Variants in IL18R1 observed in about 807,000 individuals in gnomAD.
IL18R1 encodes interleukin 18 receptor 1.
Under a neutral mutation model 48.5 loss-of-function variants are expected in IL18R1, and 40 were observed. That is an observed-to-expected ratio of 0.82 (90% CI 0.64 to 1.07). IL18R1 has a LOEUF of 1.07. Among genes scored for constraint, IL18R1 ranks in the 50% least tolerant of loss-of-function variants. The pLI is 0.00. For missense variants in IL18R1, 596 were observed against 633.7 expected, an observed-to-expected ratio of 0.94 and a Z score of 0.64; for synonymous variants, 232 against 225.9, an observed-to-expected ratio of 1.03 and a Z score of -0.24.
chr2:102,360,069 A>G (rs1246566093), intron 1 of IL18R1, among the ~76,000 whole-genome samples: 1 of 151,754 alleles, frequency 6.6e-6, no homozygotes, highest in Admixed American at 6.5e-5. Flanking sequence ...CCCATCCTGC[A>G]AAAAAACTGA....
In IL18R1 at chr2:102,384,964, C is replaced by T. The variant is rs1376210906; in HGVS notation, c.775C>T (p.Pro259Ser). 6.2e-7 allele frequency: 1 copy of T among 1,602,080 alleles called. No individual in the cohort carries two copies. Among genetic ancestry groups the T allele is most frequent in the East Asian group, 2.2e-5 (1 of 44,630 alleles). Residue 259 changes from proline to serine, a missense_variant, in exon 7 of 11, where the codon CCT (proline) becomes TCT (serine). Pro to Ser is a moderately conservative substitution (Grantham distance 74). Coordinates refer to ENST00000233957, the MANE Select transcript of IL18R1 (RefSeq NM_003855.5). Reference sequence around the variant, plus strand: ...GTTCGGGGAAGAAAATGGATCGGATCCTAATATACATGAAGAGAAAGAAAT... The same window carrying T: ...GTTCGGGGAAGAAAATGGATCGGATTCTAATATACATGAAGAGAAAGAAAT... ...WMFGEENGSD[P>S]NIHEEKEMRI...
intron 10 of IL18R1, 63 bp from the exon 11 acceptor site, chr2:102,396,467 AC>A (rs1233326910): frequency 5.4e-6 from 5 of 933,310 alleles, no homozygotes; most frequent in Non-Finnish European, 8.2e-6. Flanking sequence ...GTGCAAAATG[AC>A]TTTTATCTCA....
intron 5 of IL18R1, among the ~76,000 whole-genome samples, chr2:102,380,478 G>A (rs540304916): frequency 2.0e-5 from 3 of 152,296 alleles, no homozygotes; most frequent in African/African-American, 4.8e-5. Flanking sequence ...TGTCAGACCT[G>A]AGAGTTAGTT....
At chr2:102,382,943 C>G (rs7591246) in intron 6 of IL18R1, among the ~76,000 whole-genome samples, 1 of 151,868 alleles carries the variant, frequency 6.6e-6, no homozygotes, top group Non-Finnish European at 1.5e-5. Context: ...TAGTATATAC[C>G]TTCAAACTCC....
At chr2:102,368,175 TC>T (rs1679026861) in intron 3 of IL18R1, 107 bp downstream of exon 3, 8 of 1,166,498 alleles carry the variant, frequency 6.9e-6, no homozygotes, top group Non-Finnish European at 1.0e-5. Flanking sequence ...CACATCCTTT[TC>T]TTTCCTACTC....
intron 3 of IL18R1, among the ~76,000 whole-genome samples, chr2:102,369,702 A>T (rs1416295542): frequency 2.0e-5 from 3 of 152,166 alleles, no homozygotes; most frequent in Non-Finnish European, 4.4e-5. Context: ...TAGGTGTGTA[A>T]CCCTTTGCAG....
chr2:102,376,108 A>G lies in IL18R1; in HGVS notation c.625+45A>G. On this transcript the variant is annotated intron_variant, in intron 5 of 10. Coordinates refer to ENST00000233957, the MANE Select transcript of IL18R1 (RefSeq NM_003855.5). ...TGGGAAGAAACAGACGTATTTTAGT[A>G]AAATGGAATTTTTTCATTCTTCAAA... 3.4e-6 allele frequency: 5 copies of G among 1,480,926 alleles called. No homozygotes were observed. The South Asian group carries it at 5.4e-5, about 16-fold the overall frequency. 91.7% of individuals were successfully genotyped at this position (1,480,926 alleles called of 1,614,324 possible).
intron 1 of IL18R1, 54 bp from the exon 2 acceptor site, chr2:102,362,579 A>T: frequency 8.4e-7 from 1 of 1,192,840 alleles, no homozygotes; most frequent in Non-Finnish European, 1.2e-6. Flanking sequence ...TTCATAAGAT[A>T]GGCACACTTT....
chr2:102,365,529 C>T (rs1678839822), intron 2 of IL18R1, among the ~76,000 whole-genome samples: 1 of 152,142 alleles, frequency 6.6e-6, no homozygotes, highest in African/African-American at 2.4e-5. Context: ...TTTTCAAGTG[C>T]ATGGTGCAAG....
chr2:102,395,825 G>A (rs1431216617), intron 10 of IL18R1, among the ~76,000 whole-genome samples: 1 of 152,206 alleles, frequency 6.6e-6, no homozygotes, highest in East Asian at 1.9e-4. Context: ...CAGTTTACCA[G>A]CCACGGGTTC....
chr2:102,388,002 A>G (rs1680338738), intron 8 of IL18R1, among the ~76,000 whole-genome samples: 1 of 152,198 alleles, frequency 6.6e-6, no homozygotes, highest in African/African-American at 2.4e-5. Flanking sequence ...GCAAATACAG[A>G]GAGATGAGAG....
Position 102,396,598 on chromosome 2 carries a change from T to C in IL18R1, c.1338T>C (p.Ser446=). 6.2e-7 allele frequency: 1 copy of C among 1,613,438 alleles called. No individual in the cohort carries two copies. The highest frequency in any genetic ancestry group is 8.5e-7 in the Non-Finnish European group (1 of 1,179,692). ...SRRLIIVLSK[S]YMSNEVRYEL... ...GACTAATCATTGTCCTAAGTAAAAGTTATATGTCTAATGAGGTCAGGTATG... is the reference window on the plus strand; with the variant it reads ...GACTAATCATTGTCCTAAGTAAAAGCTATATGTCTAATGAGGTCAGGTATG... Residue 446 remains serine (S), a synonymous_variant, in exon 11 of 11, where the codon AGT becomes AGC. Coordinates refer to ENST00000233957, the MANE Select transcript of IL18R1 (RefSeq NM_003855.5).
chr2:102,389,535 G>C (rs557095521), intron 8 of IL18R1, among the ~76,000 whole-genome samples: 9 of 152,080 alleles, frequency 5.9e-5, no homozygotes, highest in Admixed American at 3.3e-4. Context: ...TTCCCCAAAG[G>C]AGCAGCCTTG....
At chr2:102,366,843 G>T (rs1264766332) in intron 2 of IL18R1, among the ~76,000 whole-genome samples, 4 of 152,150 alleles carry the variant, frequency 2.6e-5, no homozygotes, top group Non-Finnish European at 5.9e-5. Context: ...TGGGGACACA[G>T]CCAAACCATA....
chr2:102,364,546 T>C (rs1019357521), intron 2 of IL18R1, among the ~76,000 whole-genome samples: 2 of 152,236 alleles, frequency 1.3e-5, no homozygotes, highest in East Asian at 1.9e-4. Context: ...TATACACATG[T>C]ATCACACCTT....
chr2:102,370,596 G>C (rs1481633899), intron 3 of IL18R1, among the ~76,000 whole-genome samples: 2 of 152,228 alleles, frequency 1.3e-5, no homozygotes, highest in Non-Finnish European at 2.9e-5. Flanking sequence ...GAAGGGGCCA[G>C]ATTCATTGGA....
At position 102,381,654 on chromosome 2, in the gene IL18R1, A is replaced by G. The variant is rs1199026711; in HGVS notation, c.660A>G (p.Pro220=). Residue 220 remains proline, a synonymous_variant, in exon 6 of 11, where the codon CCA becomes CCG. Transcript: ENST00000233957. ...ATATAGTTCCGGTTCTTCTTGGACC[A>G]AAGCTTAACCATGTTGCAGTGGAAT... ...RSNIVPVLLG[P]KLNHVAVELG... is the part of the protein sequence containing the mutation. The G allele has an allele frequency of 6.2e-7, 1 of 1,613,022 alleles. No individual in the cohort carries two copies. The highest frequency in any genetic ancestry group is 2.2e-5 in the East Asian group (1 of 44,866).
At chr2:102,373,320 T>C (rs1399363921) in intron 4 of IL18R1, among the ~76,000 whole-genome samples, 1 of 152,126 alleles carries the variant, frequency 6.6e-6, no homozygotes, top group Non-Finnish European at 1.5e-5. Context: ...GGGACATGGA[T>C]GAAGCTGGAA....
chr2:102,375,959 A>C lies in IL18R1; in HGVS notation c.521A>C (p.Asn174Thr). The change falls in exon 5 of 11, where the codon AAC (asparagine) becomes ACC (threonine). Residue 174 changes from asparagine to threonine, a missense_variant. This residue lies in a region of IL18R1 where 360 missense variants were observed against 339.4 expected (regional missense o/e 1.06). Transcript: ENST00000233957. ...ENNKNPTIKK[N>T]AEFEDQGYYS... ...AATAAAAACCCAACGATAAAGAAGA[A>C]CGCCGAGTTTGAAGATCAGGGGTAT... 7.5e-6 allele frequency: 12 copies of C among 1,606,930 alleles called. No homozygotes were observed. The highest frequency in any genetic ancestry group is 1.0e-5 in the Non-Finnish European group (12 of 1,177,746).
Sources: allele counts gnomAD v4.1 joint callset (sites outside exome capture counted in the v4.1 genomes callset), GRCh38; gene constraint gnomAD v4.1.1; regional missense constraint gnomAD v4.1.1; transcripts MANE v1.5; gene names NCBI Gene and HGNC (gene_info 2026-07-23, HGNC 2026-07-21).